LY6G5C: variants seen among roughly 807,000 people sequenced by gnomAD.
LY6G5C encodes lymphocyte antigen 6 family member G5C.
In LY6G5C, 6 loss-of-function variants were observed where a neutral mutation model predicts 10.5. That is an observed-to-expected ratio of 0.57 (90% CI 0.31 to 1.12). The LOEUF (loss-of-function observed/expected upper bound fraction) is 1.12, where lower values mean the gene tolerates loss of function less well. Among genes scored for constraint, LY6G5C ranks in the 50% most tolerant of loss-of-function variants. The pLI is 0.05. For missense variants in LY6G5C, 160 were observed against 185.5 expected, an observed-to-expected ratio of 0.86 and a Z score of 0.80; for synonymous variants, 69 against 67.8, an observed-to-expected ratio of 1.02 and a Z score of -0.09.
At chr6:31,680,908 G>A (rs563297910), upstream of LY6G5C, among the ~76,000 whole-genome samples, 2 of 152,300 alleles carry the variant, frequency 1.3e-5, no homozygotes, top group South Asian at 2.1e-4. The surrounding 1 kb of genome is among the most constrained non-coding windows in gnomAD (Gnocchi z 4.5). Flanking sequence ...TGGTCCGGCA[G>A]AAGACGAGCA....
chr6:31,680,311 G>A lies in LY6G5C; in HGVS notation c.63C>T (p.Ser21=), dbSNP rs1437776518. 9.3e-6 allele frequency: 15 copies of A among 1,612,156 alleles called. No homozygotes were observed. In the Middle Eastern group the frequency reaches 8.7e-4, roughly 94 times the overall value. The change falls in exon 1 of 3, where the codon AGC becomes AGT. Residue 21 remains serine (S), a synonymous_variant. Transcript: ENST00000383237. The surrounding 1 kb of genome is among the most constrained non-coding windows in gnomAD (Gnocchi z 4.5). The stretch of plus-strand genomic sequence containing the variant: ...AGAGGACCGTGTAGAGGGCTTGGGG[G>A]CTGCTGTGGAAGCACAGGGGACCCA...
chr6:31,679,103 T>C lies in LY6G5C; in HGVS notation c.287A>G (p.Asn96Ser), dbSNP rs775359384. The C allele has an allele frequency of 1.2e-6, 2 of 1,612,920 alleles. No homozygotes were observed. Among genetic ancestry groups the C allele is most frequent in the South Asian group, 2.2e-5 (2 of 91,064 alleles). ...CATGACAGGAGAAGGCCACTTACTG[T>C]TCTTTTTGTGGAGAGTGATGCAGCT... Residue 96 changes from asparagine (N) to serine (S), a missense_variant and splice_region_variant, in exon 2 of 3, where the codon AAC becomes AGC. By Grantham distance (46) the Asn-to-Ser change is conservative. Coordinates refer to ENST00000383237, the Ensembl canonical transcript of LY6G5C. The surrounding 1 kb of genome is among the most constrained non-coding windows in gnomAD (Gnocchi z 4.4).
intron 2 of LY6G5C, among the ~76,000 whole-genome samples, chr6:31,677,954 G>A (rs1405191059): frequency 6.6e-6 from 1 of 152,154 alleles, no homozygotes; most frequent in Non-Finnish European, 1.5e-5. Context: ...CCACATCTGT[G>A]CATCGGCTAT....
At chr6:31,676,956 A>T in exon 3 of LY6G5C, 1 of 1,612,664 alleles carries the variant, frequency 6.2e-7, no homozygotes, top group Non-Finnish European at 8.5e-7. Flanking sequence ...CTGCAGTCAC[A>T]CTAAGGAGTA....
chr6:31,678,863 C>G (rs1435604052), intron 2 of LY6G5C, among the ~76,000 whole-genome samples: 2 of 152,056 alleles, frequency 1.3e-5, no homozygotes, highest in Non-Finnish European at 2.9e-5. Flanking sequence ...ACCTTTAATC[C>G]CAGCTGCTTG....
intron 2 of LY6G5C, among the ~76,000 whole-genome samples, chr6:31,677,764 G>C (rs144529120): frequency 6.6e-6 from 1 of 152,102 alleles, no homozygotes; most frequent in African/African-American, 2.4e-5. Flanking sequence ...GGGTTGGGGC[G>C]GGGGAAGAGG....
At position 31,680,331 on chromosome 6, in the gene LY6G5C, G is replaced by A; in HGVS notation, c.43C>T (p.Pro15Ser). 2 of 1,609,872 alleles carry A rather than the reference G, an allele frequency of 1.2e-6. No individual in the cohort carries two copies. Among genetic ancestry groups the A allele is most frequent in the African/African-American group, 1.3e-5 (1 of 74,684 alleles). The change falls in exon 1 of 3, where the codon CCC (proline) becomes TCC (serine). Residue 15 changes from proline (P) to serine (S), a missense_variant. Coordinates refer to ENST00000383237, the Ensembl canonical transcript of LY6G5C. The surrounding 1 kb of genome is among the most constrained non-coding windows in gnomAD (Gnocchi z 4.5). Reference sequence around the variant, plus strand: ...TGGGGGCTGCTGTGGAAGCACAGGGGACCCAGACTCTGGCTCCCTGCAGGG... The same window carrying A: ...TGGGGGCTGCTGTGGAAGCACAGGGAACCCAGACTCTGGCTCCCTGCAGGG...
chr6:31,677,408 A>G (rs971737854), intron 2 of LY6G5C, among the ~76,000 whole-genome samples: 1 of 152,124 alleles, frequency 6.6e-6, no homozygotes, highest in Non-Finnish European at 1.5e-5. Context: ...AAAGCTGGGA[A>G]ATGTTTTGGA....
In LY6G5C at chr6:31,680,062, A is replaced by C. The variant is rs991813929; in HGVS notation, c.121+191T>G. 1.4e-5 allele frequency: 8 copies of C among 572,624 alleles called. No homozygotes were observed. Among genetic ancestry groups the C allele is most frequent in the African/African-American group, 1.3e-4 (7 of 53,024 alleles). 35.5% of individuals were successfully genotyped at this position (572,624 alleles called of 1,614,324 possible). ...ACTCCATCTCAAAAATAATAATAATAATAAATTTTTAAAAATCTTCAGATT... is the reference window on the plus strand; with the variant it reads ...ACTCCATCTCAAAAATAATAATAATCATAAATTTTTAAAAATCTTCAGATT... On this transcript the variant is annotated intron_variant, in intron 1 of 2. Coordinates refer to ENST00000383237, the Ensembl canonical transcript of LY6G5C. The surrounding 1 kb of genome is among the most constrained non-coding windows in gnomAD (Gnocchi z 4.5).
intron 2 of LY6G5C, among the ~76,000 whole-genome samples, chr6:31,677,383 A>G (rs894614776): frequency 6.6e-6 from 1 of 152,184 alleles, no homozygotes; most frequent in South Asian, 2.1e-4. Context: ...CTAGCACCAT[A>G]GGACCATGTG....
exon 3 of LY6G5C, chr6:31,677,105 A>G (rs752637470): frequency 6.2e-7 from 1 of 1,612,770 alleles, no homozygotes; most frequent in Non-Finnish European, 8.5e-7. Flanking sequence ...ACTCACCATG[A>G]CGTCAGAACC....
At chr6:31,677,156 TC>T in intron 2 of LY6G5C, 36 bp from the exon 3 acceptor site, 2 of 1,601,898 alleles carry the variant, frequency 1.2e-6, no homozygotes, top group East Asian at 2.2e-5. Flanking sequence ...GATACGGAAG[TC>T]CCCAGGAAGA....
upstream of LY6G5C, among the ~76,000 whole-genome samples, chr6:31,680,990 C>G (rs1802859045): frequency 6.7e-6 from 1 of 148,210 alleles, no homozygotes; most frequent in Admixed American, 6.9e-5. This position sits in a 1 kb window ranked among gnomAD's most constrained non-coding sequence, Gnocchi z 4.5. Flanking sequence ...TTGGACTGAA[C>G]GAGGGGTGAG....
chr6:31,679,015 G>A lies in LY6G5C; in HGVS notation c.289+86C>T. The A allele has an allele frequency of 7.1e-7, 1 of 1,402,642 alleles. No individual in the cohort carries two copies. Among genetic ancestry groups the A allele is most frequent in the Non-Finnish European group, 1.0e-6 (1 of 994,138 alleles). 86.9% of individuals were successfully genotyped at this position (1,402,642 alleles called of 1,614,324 possible). On this transcript the variant is annotated intron_variant, in intron 2 of 2. Transcript: ENST00000383237. This position sits in a 1 kb window ranked among gnomAD's most constrained non-coding sequence, Gnocchi z 4.4. ...GGAGCAATGTCTTATGGGATTATGG[G>A]AACAAGACTTGGGGTGCAGCTTAGG... is the stretch of plus-strand genomic sequence containing the variant.
intron 2 of LY6G5C, 79 bp from the exon 3 acceptor site, chr6:31,677,199 G>A (rs1036393682): frequency 5.9e-6 from 8 of 1,360,540 alleles, no homozygotes; most frequent in Admixed American, 2.2e-5. Context: ...ACACTCATAA[G>A]TCAAAAAAAA....
At chr6:31,678,672 G>A (rs1333983069) in intron 2 of LY6G5C, among the ~76,000 whole-genome samples, 1 of 152,176 alleles carries the variant, frequency 6.6e-6, no homozygotes, top group Non-Finnish European at 1.5e-5. Context: ...GAGACAGAGT[G>A]TGGCTCTGAA....
At chr6:31,677,198 AGTC>A in intron 2 of LY6G5C, 78 bp from the exon 3 acceptor site, 1 of 1,397,916 alleles carries the variant, frequency 7.2e-7, no homozygotes. Context: ...CACACTCATA[AGTC>A]AAAAAAAAAA....
intron 2 of LY6G5C, among the ~76,000 whole-genome samples, chr6:31,678,258 C>T (rs1802688839): frequency 6.6e-6 from 1 of 152,180 alleles, no homozygotes; most frequent in African/African-American, 2.4e-5. Flanking sequence ...AGTCAATTTT[C>T]AGCGAGGGAG....
Position 31,679,512 on chromosome 6 carries a change from G to A in LY6G5C, c.122-244C>T. ...CCAGCAGAGCACTTGGTGTTAGGCA[G>A]AGGAAAGTGCTAAACCAACACTTTG... On this transcript the variant is annotated intron_variant, in intron 1 of 2. Transcript: ENST00000383237. This position sits in a 1 kb window ranked among gnomAD's most constrained non-coding sequence, Gnocchi z 4.4. The A allele has an allele frequency of 1.8e-6, 1 of 568,244 alleles. No individual in the cohort carries two copies. The highest frequency in any genetic ancestry group is 3.1e-6 in the Non-Finnish European group (1 of 317,752). The allele number at this position is 568,244 out of a possible 1,614,324, so 35.2% of individuals were successfully genotyped here. A position where few individuals can be genotyped will look rare whatever the true frequency, so the allele number is the denominator to read the frequency against.
Sources: allele counts gnomAD v4.1 joint callset (sites outside exome capture counted in the v4.1 genomes callset), GRCh38; gene constraint gnomAD v4.1.1; non-coding constraint Gnocchi (gnomAD v3.1); transcripts MANE v1.5; gene names NCBI Gene and HGNC (gene_info 2026-07-23, HGNC 2026-07-21).